The following RNF180 variants were observed in gnomAD, a reference collection of about 807,000 sequenced individuals.
RNF180 encodes E3 ubiquitin-protein ligase RNF180.
In RNF180, 38 loss-of-function variants were observed where a neutral mutation model predicts 59.2. The observed-to-expected ratio is 0.64, with a 90% CI of 0.50 to 0.84. The LOEUF is 0.84. Among genes scored for constraint, RNF180 ranks in the 40% least tolerant of loss-of-function variants. The pLI is 0.00. For missense variants in RNF180, 705 were observed against 700.9 expected (o/e 1.01, Z -0.07); for synonymous variants, 262 against 240.3 (o/e 1.09, Z -0.84).
chr5:64,183,788 A>G lies in RNF180; in HGVS notation c.1-17020A>G, dbSNP rs975150396. 4.6e-5 allele frequency among the ~76,000 whole-genome samples: 7 copies of G among 152,342 alleles called. No homozygotes were observed. In the South Asian group the frequency reaches 8.3e-4, roughly 18 times the overall value. On this transcript the variant is annotated intron_variant, in intron 1 of 7. Coordinates refer to ENST00000389100, the MANE Select transcript of RNF180 (RefSeq NM_001113561.2). ...TTTGATGGATAGTTTCATAAACAGC[A>G]TAGTAACATATAGTTATCAAACCAC...
Position 64,363,704 on chromosome 5 carries a change from T to C in RNF180, c.1580-5911T>C, listed in dbSNP as rs1422560659. Among the ~76,000 whole-genome samples, 5 of 151,894 alleles carry C rather than the reference T, an allele frequency of 3.3e-5. No homozygotes were observed. In the East Asian group the frequency reaches 9.7e-4, roughly 29 times the overall value. On this transcript the variant is annotated intron_variant, in intron 7 of 7. Transcript: ENST00000389100. ...GTATGGCAATTTTAATGATATTGATTATTCCTAGCCATCACATGGAATGTT... is the reference window on the plus strand; with the variant it reads ...GTATGGCAATTTTAATGATATTGATCATTCCTAGCCATCACATGGAATGTT...
intron 2 of RNF180, among the ~76,000 whole-genome samples, chr5:64,206,127 CTATA>C (rs1752004507): frequency 6.6e-6 from 1 of 152,124 alleles, no homozygotes; most frequent in African/African-American, 2.4e-5. Flanking sequence ...AGCATACAAA[CTATA>C]TATCCATATG....
At chr5:64,361,226 A>C (rs1427117288) in intron 7 of RNF180, among the ~76,000 whole-genome samples, 1 of 151,578 alleles carries the variant, frequency 6.6e-6, no homozygotes, top group Non-Finnish European at 1.5e-5. Flanking sequence ...ATGGATTAAA[A>C]TGCCATATAA....
intron 5 of RNF180, among the ~76,000 whole-genome samples, chr5:64,232,425 G>A (rs1742151836): frequency 6.6e-6 from 1 of 152,082 alleles, no homozygotes; most frequent in South Asian, 2.1e-4. Flanking sequence ...GGAGTGTAGT[G>A]GTGTGATCAG....
chr5:64,305,951 G>T (rs1188110307), intron 5 of RNF180, among the ~76,000 whole-genome samples: 1 of 151,486 alleles, frequency 6.6e-6, no homozygotes, highest in Non-Finnish European at 1.5e-5. Flanking sequence ...GGTTTCAATT[G>T]CTTCCACTCA....
chr5:64,217,954 T>C (rs1265319199), intron 5 of RNF180, among the ~76,000 whole-genome samples: 5 of 152,038 alleles, frequency 3.3e-5, no homozygotes, highest in African/African-American at 1.2e-4. Flanking sequence ...ACAAAAACAA[T>C]CTTTTACTCA....
At chr5:64,305,663 T>TA (rs1743406319) in intron 5 of RNF180, among the ~76,000 whole-genome samples, 2 of 151,660 alleles carry the variant, frequency 1.3e-5, no homozygotes, top group Admixed American at 6.6e-5. Flanking sequence ...CTATTCCTGA[T>TA]ACCAGTTTTT....
intron 5 of RNF180, among the ~76,000 whole-genome samples, chr5:64,321,905 G>A (rs1744371386): frequency 6.6e-6 from 1 of 152,088 alleles, no homozygotes. Flanking sequence ...AACAAGCAAT[G>A]GGGAAAGGAT....
intron 5 of RNF180, among the ~76,000 whole-genome samples, chr5:64,272,201 G>A (rs559807272): frequency 1.1e-4 from 17 of 152,180 alleles, no homozygotes; most frequent in Middle Eastern, 6.8e-3. Flanking sequence ...AGAAGGACAC[G>A]TTTCTATGAG....
chr5:64,185,877 G>T (rs1370786294), intron 1 of RNF180, among the ~76,000 whole-genome samples: 2 of 152,148 alleles, frequency 1.3e-5, no homozygotes, highest in Admixed American at 1.3e-4. Flanking sequence ...ATGAACAAAG[G>T]TATCAGATGA....
intron 5 of RNF180, among the ~76,000 whole-genome samples, chr5:64,257,924 A>G (rs1444252997): frequency 6.6e-6 from 1 of 152,232 alleles, no homozygotes; most frequent in Non-Finnish European, 1.5e-5. Flanking sequence ...ACGGAAACAA[A>G]GAAAAGGACA....
chr5:64,308,406 C>A (rs1743583726), intron 5 of RNF180, among the ~76,000 whole-genome samples: 2 of 151,746 alleles, frequency 1.3e-5, no homozygotes, highest in Admixed American at 1.3e-4. Context: ...AGACAAGTGT[C>A]ATTTTGTAGT....
chr5:64,199,470 G>C (rs1047260155), intron 1 of RNF180, among the ~76,000 whole-genome samples: 1 of 151,990 alleles, frequency 6.6e-6, no homozygotes. Flanking sequence ...AAATTTCTAG[G>C]AGTGGGTCCT....
intron 5 of RNF180, among the ~76,000 whole-genome samples, chr5:64,259,824 G>A (rs192668816): frequency 4.3e-4 from 65 of 152,146 alleles, no homozygotes; most frequent in African/African-American, 1.5e-3. Flanking sequence ...GGGAGGCTGA[G>A]GCAGGAGAAT....
At chr5:64,291,725 C>T (rs1742600156) in intron 5 of RNF180, among the ~76,000 whole-genome samples, 1 of 152,080 alleles carries the variant, frequency 6.6e-6, no homozygotes. Flanking sequence ...CCGTGCCCGG[C>T]CCTGAAGTAT....
chr5:64,298,471 T>C (rs934076527), intron 5 of RNF180, among the ~76,000 whole-genome samples: 5 of 151,978 alleles, frequency 3.3e-5, no homozygotes, highest in Non-Finnish European at 7.4e-5. Flanking sequence ...CATAAAAGGA[T>C]ATTTTCTTAT....
intron 5 of RNF180, among the ~76,000 whole-genome samples, chr5:64,290,540 C>G (rs1742524301): frequency 6.6e-6 from 1 of 152,138 alleles, no homozygotes. Flanking sequence ...TAAGAACTTG[C>G]TTTATAAATC....
intron 5 of RNF180, among the ~76,000 whole-genome samples, chr5:64,289,843 G>A (rs1036232883): frequency 2.0e-5 from 3 of 151,756 alleles, no homozygotes; most frequent in Non-Finnish European, 4.4e-5. Context: ...ACCATCTCTT[G>A]GATTTGTTTA....
intron 7 of RNF180, among the ~76,000 whole-genome samples, chr5:64,330,671 GA>G (rs1450101851): frequency 2.0e-5 from 3 of 152,222 alleles, no homozygotes; most frequent in African/African-American, 7.2e-5. Context: ...CATAGATAAT[GA>G]AAATACGTCT....
Sources: gnomAD v4.1 joint callset for allele counts (sites outside exome capture counted in the v4.1 genomes callset) on GRCh38, gnomAD v4.1.1 for gene constraint, MANE v1.5 for transcripts, NCBI Gene and HGNC (gene_info 2026-07-23, HGNC 2026-07-21) for gene names.